XPO4: variants seen among roughly 807,000 people sequenced by gnomAD.
The protein encoded by XPO4 is exportin 4.
Under a neutral mutation model 143.0 loss-of-function variants are expected in XPO4, and 39 were observed. The observed-to-expected ratio is 0.27, with a 90% confidence interval of 0.21 to 0.36. The LOEUF (loss-of-function observed/expected upper bound fraction) is 0.36, where lower values mean the gene tolerates loss of function less well. XPO4 is among the 10% of genes least tolerant of loss of function. The pLI, the probability that XPO4 is intolerant of heterozygous loss-of-function variation, is 1.00. For missense variants in XPO4, 907 were observed against 1,348.0 expected (o/e 0.67, Z 5.12); for synonymous variants, 439 against 474.0 (o/e 0.93, Z 0.96).
chr13:20,902,653 G>A lies in XPO4; in HGVS notation c.69+17C>T, dbSNP rs1459902896. The A allele has an allele frequency of 4.5e-6, 7 of 1,560,696 alleles. No homozygotes were observed. Among genetic ancestry groups the A allele is most frequent in the Non-Finnish European group, 5.2e-6 (6 of 1,154,168 alleles). On this transcript the variant is annotated intron_variant, in intron 1 of 22. Transcript: ENST00000255305. ...GGGCCCGCGAATCCCGGGGTCTGAG[G>A]GGCGCGGCGTCCTCACCATCAGAAC...
At chr13:20,818,180 T>C (rs1595090360) in intron 9 of XPO4, among the ~76,000 whole-genome samples, 2 of 152,220 alleles carry the variant, frequency 1.3e-5, no homozygotes, top group Non-Finnish European at 1.5e-5. Flanking sequence ...CTGGGTATAA[T>C]GAAAAAATTC....
At chr13:20,882,109 C>CAAAAAAAAAAAAAAAAAA (rs35404161) in intron 1 of XPO4, among the ~76,000 whole-genome samples, 33 of 93,316 alleles carry the variant, frequency 3.5e-4, no homozygotes, top group African/African-American at 1.4e-3. Context: ...GACTCGGTCT[C>CAAAAAAAAAAAAAAAAAA]AAAAAAAAAA....
At chr13:20,791,400 G>A (rs2059278518) in intron 18 of XPO4, among the ~76,000 whole-genome samples, 1 of 152,228 alleles carries the variant, frequency 6.6e-6, no homozygotes, top group East Asian at 1.9e-4. Context: ...CAGAAATTCA[G>A]ACAGCCTTGT....
At chr13:20,883,829 G>A (rs1365390056) in intron 1 of XPO4, among the ~76,000 whole-genome samples, 6 of 152,188 alleles carry the variant, frequency 3.9e-5, no homozygotes, top group East Asian at 3.9e-4. Flanking sequence ...GTGCAATGGC[G>A]TGATCTCCAC....
chr13:20,879,450 T>C (rs2060384809), intron 1 of XPO4: 4 of 469,718 alleles, frequency 8.5e-6, no homozygotes, highest in Non-Finnish European at 1.1e-5. Flanking sequence ...ACAGGACCCA[T>C]GTTGTCCAAA....
intron 4 of XPO4, among the ~76,000 whole-genome samples, chr13:20,845,528 A>T (rs976193674): frequency 6.6e-6 from 1 of 152,178 alleles, no homozygotes; most frequent in Non-Finnish European, 1.5e-5. Flanking sequence ...GCACTTGGAG[A>T]CAAAGAAGCC....
intron 1 of XPO4, among the ~76,000 whole-genome samples, chr13:20,872,655 T>C (rs7331183): frequency 0.82 from 124,510 of 152,186 alleles, 51,119 homozygotes; most frequent in East Asian, 1. Flanking sequence ...ATTATTATCC[T>C]CATTTTACAG....
intron 6 of XPO4, among the ~76,000 whole-genome samples, chr13:20,839,539 A>C (rs7339056): frequency 6.6e-6 from 1 of 152,030 alleles, no homozygotes; most frequent in Non-Finnish European, 1.5e-5. Flanking sequence ...TTACATCTCA[A>C]TAAAACTATT....
intron 9 of XPO4, among the ~76,000 whole-genome samples, chr13:20,814,902 A>G (rs1178863793): frequency 6.6e-6 from 1 of 152,252 alleles, no homozygotes; most frequent in Non-Finnish European, 1.5e-5. Context: ...CCCTTTAGTC[A>G]TAGAAAAAAA....
At chr13:20,853,129 G>C in intron 4 of XPO4, 5 of 749,744 alleles carry the variant, frequency 6.7e-6, no homozygotes, top group Non-Finnish European at 8.1e-6. Context: ...CCAGGAGTTC[G>C]AGACCAGCCT....
Position 20,796,665 on chromosome 13 carries a change from T to C in XPO4, c.2616+99A>G, listed in dbSNP as rs868537797. The C allele has an allele frequency of 1.1e-5, 10 of 935,064 alleles. No homozygotes were observed. The African/African-American group carries it at 1.4e-4, about 13-fold the overall frequency. The allele number at this position is 935,064 out of a possible 1,614,324, so 57.9% of individuals were successfully genotyped here. ...ATCTTTTGAAGGAATAAAAATATTA[T>C]TTAAGATAATACTAATCAAATTTTA... On this transcript the variant is annotated intron_variant, in intron 17 of 22. Coordinates refer to ENST00000255305, the MANE Select transcript of XPO4 (RefSeq NM_022459.5).
At chr13:20,815,840 T>C (rs761884630) in intron 9 of XPO4, among the ~76,000 whole-genome samples, 2 of 152,184 alleles carry the variant, frequency 1.3e-5, no homozygotes, top group Non-Finnish European at 2.9e-5. Context: ...TCAGAGATTG[T>C]AGAAGCTGCA....
intron 1 of XPO4, among the ~76,000 whole-genome samples, chr13:20,899,134 T>C (rs2060596263): frequency 6.6e-6 from 1 of 152,132 alleles, no homozygotes; most frequent in South Asian, 2.1e-4. Context: ...TAAGTATCAA[T>C]GCACGGTTGA....
rs540897629 is a variant in XPO4, at chr13:20,897,765, A to AT, written c.69+4904dup. The stretch of plus-strand genomic sequence containing the variant: ...TCATATTTATTTATTTATTTATTCT[A>AT]TTTTTTTGAGACAGAGTCCCGCTCT... On this transcript the variant is annotated intron_variant, in intron 1 of 22. Coordinates refer to ENST00000255305, the MANE Select transcript of XPO4 (RefSeq NM_022459.5). Among the ~76,000 whole-genome samples the AT allele has an allele frequency of 8.8e-4, 134 of 152,156 alleles. 1 individual carries two copies. The highest frequency in any genetic ancestry group is 1.5e-3 in the Non-Finnish European group (102 of 67,998).
Position 20,782,842 on chromosome 13 carries a change from G to A in XPO4, c.*880C>T, listed in dbSNP as rs1198116896. ...CTCTTAAAATTAAGGCAATGAAATGGCTACAGTTCCTAAGGTTATTTTTAC... is the reference window on the plus strand; with the variant it reads ...CTCTTAAAATTAAGGCAATGAAATGACTACAGTTCCTAAGGTTATTTTTAC... On this transcript the variant is annotated 3_prime_UTR_variant, in exon 23 of 23. Transcript: ENST00000255305. 6.6e-6 allele frequency: 1 copy of A among 152,578 alleles called. No homozygotes were observed. Among genetic ancestry groups the A allele is most frequent in the Non-Finnish European group, 1.5e-5 (1 of 68,034 alleles). The allele number at this position is 152,578 out of a possible 1,614,324, so 9.5% of individuals were successfully genotyped here.
intron 4 of XPO4, among the ~76,000 whole-genome samples, chr13:20,846,119 A>C (rs2060026458): frequency 6.6e-6 from 1 of 152,228 alleles, no homozygotes; most frequent in Non-Finnish European, 1.5e-5. Context: ...TTACAAATGA[A>C]TAATCTATAC....
intron 2 of XPO4, chr13:20,865,681 G>GT (rs1036126971): frequency 1.6e-5 from 13 of 817,760 alleles, no homozygotes; most frequent in Admixed American, 6.3e-5. Flanking sequence ...TGACCAAAAA[G>GT]TTTTTTTAAA....
At chr13:20,825,844 C>G (rs1054004557) in intron 7 of XPO4, among the ~76,000 whole-genome samples, 1 of 152,164 alleles carries the variant, frequency 6.6e-6, no homozygotes, top group East Asian at 1.9e-4. Flanking sequence ...TGATTTAATG[C>G]TCAGTCTGAA....
At chr13:20,883,014 T>A (rs548039557) in intron 1 of XPO4, among the ~76,000 whole-genome samples, 1 of 152,068 alleles carries the variant, frequency 6.6e-6, no homozygotes, top group Non-Finnish European at 1.5e-5. Context: ...GTCCCAGTGC[T>A]TCCTTTTTCC....
Sources: gnomAD v4.1 joint callset for allele counts (sites outside exome capture counted in the v4.1 genomes callset) on GRCh38, gnomAD v4.1.1 for gene constraint, MANE v1.5 for transcripts, NCBI Gene and HGNC (gene_info 2026-07-23, HGNC 2026-07-21) for gene names.